Variants in ZBTB7A observed in about 807,000 individuals in gnomAD.
ZBTB7A encodes zinc finger and BTB domain-containing protein 7A.
Under a neutral mutation model 26.7 loss-of-function variants are expected in ZBTB7A, and 7 were observed. The observed-to-expected ratio is 0.26, with a 90% confidence interval of 0.15 to 0.49. The LOEUF (loss-of-function observed/expected upper bound fraction) is 0.49, where lower values mean the gene tolerates loss of function less well. Among genes scored for constraint, ZBTB7A ranks in the 20% least tolerant of loss-of-function variants. ZBTB7A has a pLI of 0.98. For missense variants in ZBTB7A, 617 were observed against 919.5 expected (o/e 0.67, Z 4.25); for synonymous variants, 452 against 441.0 (o/e 1.02, Z -0.31).
rs2040431045 is a variant in ZBTB7A, at chr19:4,047,209, G to A, written c.*543C>T. 6.6e-6 allele frequency: 1 copy of A among 152,252 alleles called. No homozygotes were observed. The highest frequency in any genetic ancestry group is 2.1e-4 in the South Asian group (1 of 4,836). The allele number at this position is 152,252 out of a possible 1,614,324, so 9.4% of individuals were successfully genotyped here. A position where few individuals can be genotyped will look rare whatever the true frequency, so the allele number is the denominator to read the frequency against. ...CTCCCTTAGTAAGTGCCCTGAGGAA[G>A]GAGGGTGCGGGTCGGGGGACGGGGG... On this transcript the variant is annotated 3_prime_UTR_variant, in exon 3 of 3. Transcript: ENST00000322357.
chr19:4,053,701 G>A (rs1446828883), intron 2 of ZBTB7A, among the ~76,000 whole-genome samples: 1 of 151,332 alleles, frequency 6.6e-6, no homozygotes, highest in Non-Finnish European at 1.5e-5. Context: ...GTGCGTCTGT[G>A]TGTGTGCATG....
At chr19:4,056,952 G>A (rs1030051968) in intron 1 of ZBTB7A, among the ~76,000 whole-genome samples, 12 of 150,730 alleles carry the variant, frequency 8.0e-5, no homozygotes, top group Admixed American at 6.0e-4. Flanking sequence ...GCTTGAACCC[G>A]GGAGGCGAAG....
Position 4,054,368 on chromosome 19 carries a change from C to G in ZBTB7A, c.865G>C (p.Glu289Gln). ...AGGAAGCCCGGAGAGTCGCCCGGCT[C>G]GGGGGCCGCCTCCGACAGCGAGGCG... ...EAASLSEAAP[E>Q]PGDSPGFLSG... The change falls in exon 2 of 3, where the codon GAG becomes CAG. Residue 289 changes from glutamate to glutamine, a missense_variant. Transcript: ENST00000322357. 1.4e-6 allele frequency: 2 copies of G among 1,452,926 alleles called. No homozygotes were observed. The highest frequency in any genetic ancestry group is 1.8e-6 in the Non-Finnish European group (2 of 1,113,798). 90.0% of individuals were successfully genotyped at this position (1,452,926 alleles called of 1,614,324 possible).
chr19:4,065,524 G>T (rs2040686810), intron 1 of ZBTB7A: 1 of 146,072 alleles, frequency 6.8e-6, no homozygotes, highest in South Asian at 2.0e-4. Context: ...GCCGGGAGGC[G>T]GCAGTGAGCC....
In ZBTB7A at chr19:4,043,911, TATAA is replaced by T. The variant is rs2040379717; in HGVS notation, c.*3837_*3840del. Among the ~76,000 whole-genome samples, 1 of 124,808 alleles carries T rather than the reference TATAA, an allele frequency of 8.0e-6. No individual in the cohort carries two copies. Among genetic ancestry groups the T allele is most frequent in the Admixed American group, 1.1e-4 (1 of 9,498 alleles). 81.9% of individuals were successfully genotyped at this position (124,808 alleles called of 152,430 possible). A position where few individuals can be genotyped will look rare whatever the true frequency, so the allele number is the denominator to read the frequency against. The stretch of plus-strand genomic sequence containing the variant: ...TAACTTTTTAAAATAAAACTGCAAA[TATAA>T]ATATCTTTCTTTCTCAAAAAATAGG... On this transcript the variant is annotated 3_prime_UTR_variant, in exon 3 of 3. Coordinates refer to ENST00000322357, the MANE Select transcript of ZBTB7A (RefSeq NM_015898.4).
chr19:4,063,526 A>G (rs535612519), intron 1 of ZBTB7A, among the ~76,000 whole-genome samples: 1 of 152,178 alleles, frequency 6.6e-6, no homozygotes, highest in Non-Finnish European at 1.5e-5. Flanking sequence ...GGGAGGCGAG[A>G]GGGCTGTGGC....
intron 2 of ZBTB7A, among the ~76,000 whole-genome samples, chr19:4,049,083 G>A (rs977501580): frequency 2.1e-5 from 3 of 140,524 alleles, no homozygotes; most frequent in Non-Finnish European, 4.7e-5. Flanking sequence ...TCAAGCCATC[G>A]TCCTGCCTCA....
intron 1 of ZBTB7A, among the ~76,000 whole-genome samples, chr19:4,065,903 GC>G (rs1360398308): frequency 5.9e-5 from 7 of 117,694 alleles, no homozygotes; most frequent in Non-Finnish European, 3.6e-5. Context: ...TCCAGGCCCC[GC>G]CCCCTGGCGG....
chr19:4,057,187 A>C (rs2040589308), intron 1 of ZBTB7A, among the ~76,000 whole-genome samples: 1 of 145,516 alleles, frequency 6.9e-6, no homozygotes, highest in African/African-American at 2.6e-5. Flanking sequence ...CGTCTCTACT[A>C]AAAATACAAA....
In ZBTB7A at chr19:4,054,787, A is replaced by G. The variant is rs2040556074; in HGVS notation, c.446T>C (p.Ile149Thr). Residue 149 changes from isoleucine (I) to threonine (T), a missense_variant, in exon 2 of 3, where the codon ATT (isoleucine) becomes ACT (threonine). Coordinates refer to ENST00000322357, the MANE Select transcript of ZBTB7A (RefSeq NM_015898.4). ...GGCGCGGAGGAGGTTGCGCTGATCA[A>G]TTTGATCTACAAGGTCCAGCTGCCC... is the stretch of plus-strand genomic sequence containing the variant. ...DAGQLDLVDQ[I>T]DQRNLLRAKE... 6.3e-7 allele frequency: 1 copy of G among 1,584,972 alleles called. No homozygotes were observed. Among genetic ancestry groups the G allele is most frequent in the Non-Finnish European group, 8.6e-7 (1 of 1,165,236 alleles).
rs543452962 is a variant in ZBTB7A at position 4,059,126 on chromosome 19, C to T, written c.-15-3879G>A. ...GGGAGCGTGTGAGCAGATGGAGCTC[C>T]GGATCAGACGGGCCCGGGCCCTCCT... On this transcript the variant is annotated intron_variant, in intron 1 of 2. Coordinates refer to ENST00000322357, the MANE Select transcript of ZBTB7A (RefSeq NM_015898.4). 7.2e-5 allele frequency among the ~76,000 whole-genome samples: 11 copies of T among 152,318 alleles called. No homozygotes were observed. In the South Asian group the frequency reaches 1.7e-3, roughly 23 times the overall value.
Position 4,055,200 on chromosome 19 carries a change from G to A in ZBTB7A, c.33C>T (p.Ile11=), listed in dbSNP as rs1054544052. The change falls in exon 2 of 3, where the codon ATC becomes ATT. Residue 11 remains isoleucine (I), a synonymous_variant. Transcript: ENST00000322357. ...TGTCGCTGCTGTGGTCGGGGAACGG[G>A]ATCCCGATGGGGCCGTCCACGCCGC... MAGGVDGPIG[I]PFPDHSSDIL... 3 of 1,569,842 alleles carry A rather than the reference G, an allele frequency of 1.9e-6. No homozygotes were observed. The Middle Eastern group carries it at 5.1e-4, about 266-fold the overall frequency.
At chr19:4,059,528 G>A (rs1198586525) in intron 1 of ZBTB7A, among the ~76,000 whole-genome samples, 4 of 152,166 alleles carry the variant, frequency 2.6e-5, no homozygotes, top group South Asian at 2.1e-4. Flanking sequence ...CTGTGGCCGC[G>A]TTTTACAGAT....
At chr19:4,053,943 G>C (rs746540652) in intron 2 of ZBTB7A, 28 bp downstream of exon 2, 1 of 1,564,798 alleles carries the variant, frequency 6.4e-7, no homozygotes, top group Non-Finnish European at 8.6e-7. Context: ...AGAGCAGGAC[G>C]GCGCCTCCCC....
Position 4,046,310 on chromosome 19 carries a change from G to T in ZBTB7A, c.*1442C>A. 2.6e-6 allele frequency: 1 copy of T among 378,210 alleles called. No homozygotes were observed. The highest frequency in any genetic ancestry group is 4.7e-6 in the Non-Finnish European group (1 of 213,952). The allele number at this position is 378,210 out of a possible 1,614,324, so 23.4% of individuals were successfully genotyped here. On this transcript the variant is annotated 3_prime_UTR_variant, in exon 3 of 3. Coordinates refer to ENST00000322357, the MANE Select transcript of ZBTB7A (RefSeq NM_015898.4). ...CCTGAACCCCCCTTCTCGCTTTTTG[G>T]GGAACAGAAGTGGATTCTACGTTTG...
At chr19:4,066,468 C>T (rs1341776011) in intron 1 of ZBTB7A, among the ~76,000 whole-genome samples, 1 of 151,600 alleles carries the variant, frequency 6.6e-6, no homozygotes, top group Non-Finnish European at 1.5e-5. Flanking sequence ...AGCCCCCAAT[C>T]CCCCCTTCCC....
chr19:4,058,483 TCG>T (rs1306318257), intron 1 of ZBTB7A, among the ~76,000 whole-genome samples: 6 of 147,976 alleles, frequency 4.1e-5, no homozygotes, highest in African/African-American at 1.5e-4. Flanking sequence ...ATCCACCCAC[TCG>T]GAGCTTGTGC....
At position 4,044,758 on chromosome 19, in the gene ZBTB7A, CCAAA is replaced by C. The variant is rs1343855680; in HGVS notation, c.*2990_*2993del. ...AGAAAACACAAAAAACCCCAAACAA[CCAAA>C]CAAAAAAGCTTTGAGCTGTGTCCTT... On this transcript the variant is annotated 3_prime_UTR_variant, in exon 3 of 3. Transcript: ENST00000322357. 1 of 142,098 alleles carries C rather than the reference CCAAA, an allele frequency of 7.0e-6. No homozygotes were observed. The highest frequency in any genetic ancestry group is 1.5e-5 in the Non-Finnish European group (1 of 65,508). 8.8% of individuals were successfully genotyped at this position (142,098 alleles called of 1,614,324 possible). A position where few individuals can be genotyped will look rare whatever the true frequency, so the allele number is the denominator to read the frequency against.
intron 1 of ZBTB7A, among the ~76,000 whole-genome samples, chr19:4,055,779 C>T (rs989382042): frequency 6.6e-5 from 10 of 152,208 alleles, no homozygotes; most frequent in African/African-American, 9.6e-5. Context: ...GCTGAGATCA[C>T]GCCACTGCAC....
Sources: gnomAD v4.1 joint callset for allele counts (sites outside exome capture counted in the v4.1 genomes callset) on GRCh38, gnomAD v4.1.1 for gene constraint, MANE v1.5 for transcripts, NCBI Gene and HGNC (gene_info 2026-07-23, HGNC 2026-07-21) for gene names.